NFATC3: variants seen among roughly 807,000 people sequenced by gnomAD.
NFATC3 encodes nuclear factor of activated T-cells, cytoplasmic 3.
Under a neutral mutation model 98.6 loss-of-function variants are expected in NFATC3, and 46 were observed. That is an observed-to-expected ratio of 0.47 (90% CI 0.37 to 0.60). The LOEUF is 0.60. Ranked by LOEUF, NFATC3 falls within the 20% of genes least tolerant of loss-of-function variation. The pLI, the probability that NFATC3 is intolerant of heterozygous loss-of-function variation, is 0.00. For synonymous variants in NFATC3, 512 were observed against 472.2 expected, an observed-to-expected ratio of 1.08 and a Z score of -1.09; for missense variants, 1,256 against 1,295.5, an observed-to-expected ratio of 0.97 and a Z score of 0.47.
chr16:68,183,517 T>A, intron 8 of NFATC3, 151 bp downstream of exon 8: 4 of 731,338 alleles, frequency 5.5e-6, no homozygotes, highest in Non-Finnish European at 8.5e-6. Context: ...TTGTTGACTT[T>A]AAATATTAGA....
intron 3 of NFATC3, chr16:68,138,601 A>G (rs2037573512): frequency 7.8e-7 from 1 of 1,289,080 alleles, no homozygotes; most frequent in South Asian, 1.2e-5. Context: ...AAAGCACTCA[A>G]GATACTTAAC....
rs763322723 is a variant in NFATC3 at position 68,140,721 on chromosome 16, G to A, written c.1401+14111G>A. ...AAAAAAAAGGAGTATTTTAGTGACTGCAGAAAGTTATCTTGGACAGTGCTG... is the reference window on the plus strand; with the variant it reads ...AAAAAAAAGGAGTATTTTAGTGACTACAGAAAGTTATCTTGGACAGTGCTG... On this transcript the variant is annotated intron_variant, in intron 3 of 9. Coordinates refer to ENST00000346183, the MANE Select transcript of NFATC3 (RefSeq NM_173165.3). 4.0e-4 allele frequency among the ~76,000 whole-genome samples: 61 copies of A among 152,010 alleles called. 2 individuals are homozygous for A. Among genetic ancestry groups the A allele is most frequent in the Non-Finnish European group, 3.5e-4 (24 of 67,996 alleles).
intron 5 of NFATC3, among the ~76,000 whole-genome samples, chr16:68,173,279 A>T (rs2039548245): frequency 7.0e-6 from 1 of 143,082 alleles, no homozygotes; most frequent in African/African-American, 2.6e-5. Context: ...AAAAAATAAA[A>T]ATATAGGCCG....
chr16:68,136,995 A>G lies in NFATC3; in HGVS notation c.1401+10385A>G, dbSNP rs1473566748. 2.0e-5 allele frequency among the ~76,000 whole-genome samples: 3 copies of G among 152,200 alleles called. No homozygotes were observed. The East Asian group carries it at 5.8e-4, about 29-fold the overall frequency. On this transcript the variant is annotated intron_variant, in intron 3 of 9. Coordinates refer to ENST00000346183, the MANE Select transcript of NFATC3 (RefSeq NM_173165.3). ...GGAAGTTGCTCTGGGTGAATCAGTGAGTGAATAGTGAATGAATATGAAGGC... is the reference window on the plus strand; with the variant it reads ...GGAAGTTGCTCTGGGTGAATCAGTGGGTGAATAGTGAATGAATATGAAGGC...
chr16:68,167,104 G>A, intron 5 of NFATC3, 89 bp downstream of exon 5: 2 of 1,298,566 alleles, frequency 1.5e-6, no homozygotes, highest in Non-Finnish European at 1.1e-6. Context: ...CGTCTGAAGT[G>A]CAAACTGAGG....
At chr16:68,088,460 AATT>A (rs1197828187) in intron 1 of NFATC3, among the ~76,000 whole-genome samples, 1 of 143,220 alleles carries the variant, frequency 7.0e-6, no homozygotes, top group African/African-American at 2.7e-5. Context: ...AAATGCATAT[AATT>A]ATATATAATA....
intron 5 of NFATC3, among the ~76,000 whole-genome samples, chr16:68,173,124 C>T (rs73612210): frequency 0.013 from 1,999 of 151,806 alleles, 42 homozygotes; most frequent in African/African-American, 0.045. Context: ...CAGCCAGGCA[C>T]GGTGGCACAT....
At chr16:68,180,144 A>G (rs116504113) in intron 6 of NFATC3, among the ~76,000 whole-genome samples, 47 of 152,322 alleles carry the variant, frequency 3.1e-4, no homozygotes, top group African/African-American at 1.1e-3. Flanking sequence ...ACGTTTAAGC[A>G]GAGACCATGA....
At chr16:68,152,365 C>A in intron 3 of NFATC3, among the ~76,000 whole-genome samples, 1 of 119,220 alleles carries the variant, frequency 8.4e-6, no homozygotes. Context: ...GGCAACAGAG[C>A]GAGACTCTGT....
At chr16:68,114,039 G>A (rs749948486) in intron 1 of NFATC3, among the ~76,000 whole-genome samples, 4 of 152,200 alleles carry the variant, frequency 2.6e-5, no homozygotes, top group African/African-American at 4.8e-5. Context: ...ACCTGAGCAG[G>A]TTGCACAGCT....
At chr16:68,221,420 C>G in intron 9 of NFATC3, 1 of 1,428,146 alleles carries the variant, frequency 7.0e-7, no homozygotes. Flanking sequence ...TTCTGACTCC[C>G]TAGCCTAAAA....
chr16:68,107,876 TG>T (rs2035744800), intron 1 of NFATC3, among the ~76,000 whole-genome samples: 1 of 151,924 alleles, frequency 6.6e-6, no homozygotes, highest in South Asian at 2.1e-4. Context: ...TTTTGAGAAA[TG>T]TCTGTTCATG....
At chr16:68,137,177 AAC>A (rs1337058537) in intron 3 of NFATC3, among the ~76,000 whole-genome samples, 5 of 152,196 alleles carry the variant, frequency 3.3e-5, no homozygotes, top group Admixed American at 6.5e-5. Flanking sequence ...AACAGTTTAA[AAC>A]ACAGACACGT....
At chr16:68,174,349 A>G in intron 5 of NFATC3, 25 bp from the exon 6 acceptor site, 1 of 1,373,480 alleles carries the variant, frequency 7.3e-7, no homozygotes, top group Non-Finnish European at 9.5e-7. Flanking sequence ...GTTTTTTCTC[A>G]ACTCTTTAAA....
At chr16:68,166,531 A>G (rs1005575116) in intron 4 of NFATC3, among the ~76,000 whole-genome samples, 3 of 152,236 alleles carry the variant, frequency 2.0e-5, no homozygotes, top group African/African-American at 7.2e-5. Flanking sequence ...AGCAAGTCAT[A>G]GGCCAGTTCT....
chr16:68,094,926 CG>C (rs2034929065), intron 1 of NFATC3, among the ~76,000 whole-genome samples: 1 of 152,120 alleles, frequency 6.6e-6, no homozygotes, highest in African/African-American at 2.4e-5. Context: ...CTTAACCTTG[CG>C]TTTCATTGAC....
intron 1 of NFATC3, among the ~76,000 whole-genome samples, chr16:68,103,492 G>A (rs1212201384): frequency 6.6e-6 from 1 of 152,218 alleles, no homozygotes; most frequent in Non-Finnish European, 1.5e-5. Flanking sequence ...TTACAGGCAT[G>A]AGCCACTGGG....
intron 9 of NFATC3, chr16:68,217,946 G>C (rs2041700888): frequency 4.9e-6 from 6 of 1,221,302 alleles, no homozygotes; most frequent in Middle Eastern, 6.3e-4. Flanking sequence ...CTCGATTACT[G>C]TGGAAGAATG....
intron 9 of NFATC3, among the ~76,000 whole-genome samples, chr16:68,192,551 G>A (rs905681155): frequency 6.6e-6 from 1 of 151,834 alleles, no homozygotes; most frequent in Non-Finnish European, 1.5e-5. Context: ...CTGGGAATGC[G>A]AAGGATGTAT....
Sources: allele counts gnomAD v4.1 joint callset (sites outside exome capture counted in the v4.1 genomes callset), GRCh38; gene constraint gnomAD v4.1.1; transcripts MANE v1.5; gene names NCBI Gene and HGNC (gene_info 2026-07-23, HGNC 2026-07-21).